The following DENND1A variants were observed in gnomAD, a reference collection of about 807,000 sequenced individuals.
DENND1A encodes the protein DENN domain-containing protein 1A.
In DENND1A, 51 loss-of-function variants were observed where a neutral mutation model predicts 113.7. The observed-to-expected ratio is 0.45, with a 90% CI of 0.36 to 0.57. The LOEUF (loss-of-function observed/expected upper bound fraction) is 0.57, where lower values mean the gene tolerates loss of function less well. DENND1A is among the 20% of genes least tolerant of loss of function. The pLI is 0.00. For missense variants in DENND1A, 1,258 were observed against 1,395.9 expected (o/e 0.90, Z 1.57); for synonymous variants, 565 against 570.8 (o/e 0.99, Z 0.14).
chr9:123,726,017 T>C (rs1457274266), intron 5 of DENND1A, among the ~76,000 whole-genome samples: 1 of 152,236 alleles, frequency 6.6e-6, no homozygotes, highest in Non-Finnish European at 1.5e-5. Context: ...AAAATCTTAC[T>C]GGGCATTAGT....
intron 1 of DENND1A, among the ~76,000 whole-genome samples, chr9:123,879,679 A>C (rs1848044415): frequency 6.6e-6 from 1 of 152,236 alleles, no homozygotes; most frequent in Non-Finnish European, 1.5e-5. Flanking sequence ...ACCCAGAGGT[A>C]GAAATTTGAG....
chr9:123,926,342 C>G (rs922483123), intron 1 of DENND1A, among the ~76,000 whole-genome samples: 1 of 152,050 alleles, frequency 6.6e-6, no homozygotes, highest in East Asian at 1.9e-4. Flanking sequence ...CCAAGGCAGG[C>G]AGATCACCTG....
chr9:123,670,886 G>A (rs545740427), intron 7 of DENND1A, among the ~76,000 whole-genome samples: 15 of 152,300 alleles, frequency 9.8e-5, no homozygotes, highest in Admixed American at 7.2e-4. Context: ...CAGGGGAGAG[G>A]CAATGTTGAA....
chr9:123,914,470 G>A (rs967319404), intron 1 of DENND1A, among the ~76,000 whole-genome samples: 25 of 149,046 alleles, frequency 1.7e-4, no homozygotes, highest in African/African-American at 6.0e-4. Flanking sequence ...GCATGAACCC[G>A]GAAGGCCAAG....
chr9:123,694,679 C>T (rs1343638675), intron 5 of DENND1A, among the ~76,000 whole-genome samples: 1 of 152,052 alleles, frequency 6.6e-6, no homozygotes, highest in Non-Finnish European at 1.5e-5. Context: ...CCTAAAACAT[C>T]AAAATCTCAA....
intron 9 of DENND1A, among the ~76,000 whole-genome samples, chr9:123,639,063 A>G (rs867729614): frequency 1.2e-4 from 18 of 146,546 alleles, no homozygotes; most frequent in Middle Eastern, 3.4e-3. Context: ...AAAAAAAAAA[A>G]AAAGAAAGAA....
chr9:123,566,366 T>A (rs1421916454), intron 12 of DENND1A, among the ~76,000 whole-genome samples: 1 of 151,908 alleles, frequency 6.6e-6, no homozygotes, highest in East Asian at 1.9e-4. Context: ...CATGGGGGAG[T>A]GAGGGCTGTG....
intron 12 of DENND1A, among the ~76,000 whole-genome samples, chr9:123,577,796 G>C (rs2058703557): frequency 6.6e-6 from 1 of 152,128 alleles, no homozygotes; most frequent in Admixed American, 6.5e-5. Flanking sequence ...TTAAAATCCA[G>C]CACATTTTAG....
At chr9:123,475,175 C>T (rs1361659061) in intron 13 of DENND1A, among the ~76,000 whole-genome samples, 6 of 152,240 alleles carry the variant, frequency 3.9e-5, no homozygotes, top group Non-Finnish European at 5.9e-5. Flanking sequence ...CCCGCCAACA[C>T]GCCCGGCTAA....
intron 13 of DENND1A, among the ~76,000 whole-genome samples, chr9:123,509,855 C>T (rs1244863286): frequency 6.6e-6 from 1 of 152,216 alleles, no homozygotes; most frequent in Non-Finnish European, 1.5e-5. Flanking sequence ...AGGAAATCTC[C>T]ACTGACTGAC....
intron 13 of DENND1A, among the ~76,000 whole-genome samples, chr9:123,536,029 G>T (rs141295412): frequency 1.6e-4 from 24 of 152,262 alleles, no homozygotes; most frequent in African/African-American, 4.8e-4. Context: ...CATAAAAAAG[G>T]CAAACTGACT....
chr9:123,584,745 A>G (rs1387913159), intron 11 of DENND1A, among the ~76,000 whole-genome samples: 1 of 152,156 alleles, frequency 6.6e-6, no homozygotes, highest in Admixed American at 6.5e-5. Context: ...CTGCCTCCCC[A>G]GGCCATGCTC....
chr9:123,455,170 A>G (rs1209575443), intron 15 of DENND1A, among the ~76,000 whole-genome samples: 2 of 152,176 alleles, frequency 1.3e-5, no homozygotes, highest in African/African-American at 4.8e-5. Flanking sequence ...GGAGGGTCCC[A>G]TGTCCTGTTC....
intron 13 of DENND1A, among the ~76,000 whole-genome samples, chr9:123,536,640 A>T (rs184875076): frequency 1.1e-4 from 16 of 152,252 alleles, no homozygotes; most frequent in Non-Finnish European, 2.1e-4. Context: ...AGCCTCCGCA[A>T]ATGCTAGGAG....
chr9:123,916,460 C>T lies in DENND1A; in HGVS notation c.17+13429G>A, dbSNP rs1377743033. On this transcript the variant is annotated intron_variant, in intron 1 of 23. Coordinates refer to ENST00000394215, the MANE Select transcript of DENND1A (RefSeq NM_001352964.2). ...CAATCTCGGCTCACCGCAACCTCTGCCTCTCAGGTTCAAGCAGTTCTCCTG... is the reference window on the plus strand; with the variant it reads ...CAATCTCGGCTCACCGCAACCTCTGTCTCTCAGGTTCAAGCAGTTCTCCTG... 2.7e-5 allele frequency among the ~76,000 whole-genome samples: 4 copies of T among 150,662 alleles called. No homozygotes were observed. The East Asian group carries it at 7.8e-4, about 29-fold the overall frequency.
chr9:123,390,478 G>C (rs1432909180), intron 21 of DENND1A, among the ~76,000 whole-genome samples: 2 of 152,220 alleles, frequency 1.3e-5, no homozygotes, highest in African/African-American at 4.8e-5. Context: ...ATATCAACAA[G>C]CAGGTACCGT....
chr9:123,606,473 A>G (rs2060159464), intron 11 of DENND1A, among the ~76,000 whole-genome samples: 1 of 152,230 alleles, frequency 6.6e-6, no homozygotes, highest in South Asian at 2.1e-4. Context: ...CCATTCATGT[A>G]AGTGCAAAAC....
intron 19 of DENND1A, chr9:123,414,103 T>C: frequency 2.0e-6 from 2 of 995,506 alleles, no homozygotes; most frequent in Non-Finnish European, 2.4e-6. Context: ...GGAGGCAGCC[T>C]CTAGGGGTCA....
chr9:123,495,141 T>TCTCTTCTCTCTCTCTC (rs2051763656), intron 13 of DENND1A, among the ~76,000 whole-genome samples: 1 of 140,560 alleles, frequency 7.1e-6, no homozygotes, highest in Admixed American at 7.1e-5. Flanking sequence ...CATTGTCTCT[T>TCTCTTCTCTCTCTCTC]TCTCTCTCTC....
Sources: allele counts gnomAD v4.1 joint callset (sites outside exome capture counted in the v4.1 genomes callset), GRCh38; gene constraint gnomAD v4.1.1; transcripts MANE v1.5; gene names NCBI Gene and HGNC (gene_info 2026-07-23, HGNC 2026-07-21).